Variants in ANKMY1 observed in about 807,000 individuals in gnomAD.
The protein encoded by ANKMY1 is ankyrin repeat and MYND domain-containing protein 1.
ANKMY1 carries 98 observed loss-of-function variants against 102.0 expected under a neutral mutation model. The ratio of observed to expected loss-of-function variants is 0.96; its 90% confidence interval spans 0.82 to 1.14. The LOEUF (loss-of-function observed/expected upper bound fraction) is 1.14, where lower values mean the gene tolerates loss of function less well. Among genes scored for constraint, ANKMY1 ranks in the 50% most tolerant of loss-of-function variants. The pLI is 0.00. For missense variants in ANKMY1, 1,330 were observed against 1,347.6 expected (o/e 0.99, Z 0.20); for synonymous variants, 582 against 559.9 (o/e 1.04, Z -0.56).
chr2:240,560,692 C>T (rs746031051), upstream of ANKMY1: 4 of 1,524,254 alleles, frequency 2.6e-6, no homozygotes, highest in East Asian at 1.1e-4. Flanking sequence ...GCCATGGGAC[C>T]GGCAGAAGCT....
intron 4 of ANKMY1, among the ~76,000 whole-genome samples, chr2:240,538,720 G>A (rs961029972): frequency 6.6e-6 from 1 of 152,154 alleles, no homozygotes; most frequent in Non-Finnish European, 1.5e-5. Flanking sequence ...ACTAGGCAAA[G>A]CCAGCTGAGC....
In ANKMY1 at chr2:240,529,542, T is replaced by G. The variant is rs772616640; in HGVS notation, c.481-33A>C. ...GGAAGCGCAATAGACCGAGGAGAGA[T>G]AACGCGACCCAGCTGCACATGTGAT... is the stretch of plus-strand genomic sequence containing the variant. On this transcript the variant is annotated intron_variant, in intron 4 of 17. Transcript: ENST00000401804. The surrounding 1 kb of genome is among the most constrained non-coding windows in gnomAD (Gnocchi z 4.2). 4.1e-5 allele frequency: 63 copies of G among 1,552,470 alleles called. 1 individual carries two copies. The highest frequency in any genetic ancestry group is 3.0e-4 in the African/African-American group (22 of 73,276).
chr2:240,559,622 C>T (rs574639674), upstream of ANKMY1, among the ~76,000 whole-genome samples: 5 of 152,228 alleles, frequency 3.3e-5, no homozygotes, highest in Non-Finnish European at 7.3e-5. Context: ...ACTCCTCCAT[C>T]CTAGGAAAGT....
chr2:240,535,063 T>A (rs1414098265), intron 4 of ANKMY1, among the ~76,000 whole-genome samples: 1 of 152,194 alleles, frequency 6.6e-6, no homozygotes, highest in Non-Finnish European at 1.5e-5. Context: ...ATGAAAAAAG[T>A]CAAACTGTGT....
chr2:240,526,385 G>A lies in ANKMY1; in HGVS notation c.1014C>T (p.Gly338=), dbSNP rs2083408061. 1.9e-6 allele frequency: 3 copies of A among 1,614,236 alleles called. No homozygotes were observed. The highest frequency in any genetic ancestry group is 2.2e-5 in the South Asian group (2 of 91,090). The change falls in exon 6 of 18, where the codon GGC becomes GGT. Residue 338 remains glycine (G), a synonymous_variant. Transcript: ENST00000401804. ...MGAILEGKRS[G]FAPCGPKEQL... ...GCTCTTTGGGCCCACAGGGTGCAAA[G>A]CCACTGCGCTTCCCCTCCAGGATGG...
intron 5 of ANKMY1, chr2:240,526,647 T>A: frequency 7.0e-7 from 1 of 1,435,848 alleles, no homozygotes; most frequent in Non-Finnish European, 9.1e-7. Flanking sequence ...GGTGCAGACA[T>A]GCCACCTGGA....
chr2:240,497,747 GTTTC>G (rs1232240247), intron 15 of ANKMY1, among the ~76,000 whole-genome samples: 2 of 152,128 alleles, frequency 1.3e-5, no homozygotes, highest in Non-Finnish European at 2.9e-5. Context: ...AATGAAATCG[GTTTC>G]TTTGTGATGA....
At chr2:240,518,779 G>A (rs372369914) in intron 9 of ANKMY1, among the ~76,000 whole-genome samples, 5 of 152,130 alleles carry the variant, frequency 3.3e-5, no homozygotes, top group South Asian at 2.1e-4. Context: ...TTTCAAAGAC[G>A]GAGTCCAATC....
intron 4 of ANKMY1, among the ~76,000 whole-genome samples, chr2:240,534,139 A>G (rs1433647996): frequency 2.6e-5 from 4 of 152,218 alleles, no homozygotes; most frequent in Non-Finnish European, 2.9e-5. Flanking sequence ...CCTAGTATAT[A>G]TAAGGCTTGA....
rs114885029 is a variant in ANKMY1, at chr2:240,540,594, C to T, written c.481-11085G>A. Among the ~76,000 whole-genome samples, 1,079 of 152,280 alleles carry T rather than the reference C, an allele frequency of 7.1e-3. 14 individuals are homozygous for T. The highest frequency in any genetic ancestry group is 0.024 in the African/African-American group (1,014 of 41,540). On this transcript the variant is annotated intron_variant, in intron 4 of 17. Coordinates refer to ENST00000401804, the MANE Select transcript of ANKMY1 (RefSeq NM_001282771.3). ...GTTCCTGTTTTCTTACCCATTGTTACATTTCTTCCCTGCTATCTAAACCCT... is the reference window on the plus strand; with the variant it reads ...GTTCCTGTTTTCTTACCCATTGTTATATTTCTTCCCTGCTATCTAAACCCT...
Position 240,526,266 on chromosome 2 carries a change from G to T in ANKMY1, c.1133C>A (p.Ala378Glu). The change falls in exon 6 of 18, where the codon GCG becomes GAG. Residue 378 changes from alanine to glutamate, a missense_variant. By Grantham distance (107) the Ala-to-Glu change is moderately radical. Transcript: ENST00000401804. ...AAGCACAGTGTAGCCCTTTGCGTCCGCCACGTCAGCACTAGCAAAGTTGTC... is the reference window on the plus strand; with the variant it reads ...AAGCACAGTGTAGCCCTTTGCGTCCTCCACGTCAGCACTAGCAAAGTTGTC... The part of the protein sequence containing the change: ...LKDNFASADV[A>E]DAKGYTVLAA... 1 of 1,614,126 alleles carries T rather than the reference G, an allele frequency of 6.2e-7. No individual in the cohort carries two copies. The highest frequency in any genetic ancestry group is 1.1e-5 in the South Asian group (1 of 91,084).
At chr2:240,484,026 A>G (rs540455060) in intron 15 of ANKMY1, among the ~76,000 whole-genome samples, 5 of 152,266 alleles carry the variant, frequency 3.3e-5, no homozygotes, top group Admixed American at 6.5e-5. Context: ...CAGCCTTTTT[A>G]TGGCTGCATA....
intron 2 of ANKMY1, 38 bp from the exon 3 acceptor site, chr2:240,555,093 G>T: frequency 6.2e-7 from 1 of 1,604,854 alleles, no homozygotes; most frequent in Non-Finnish European, 8.5e-7. Context: ...AGAGTGAAGT[G>T]GCTGCAGTGC....
At position 240,520,369 on chromosome 2, in the gene ANKMY1, G is replaced by A. The variant is rs1305680821; in HGVS notation, c.1997C>T (p.Pro666Leu). ...EHGARTDICF[P>L]PQLSTLTPLH... ...GCCCGCCGCGGCTCCTACCTGCGGC[G>A]GAAAGCAGATGTCGGTCCTCGCCCC... Residue 666 changes from proline (P) to leucine (L), a missense_variant, in exon 9 of 18, where the codon CCG (proline) becomes CTG (leucine). Pro to Leu is a moderately conservative substitution (Grantham distance 98, BLOSUM62 -3). Transcript: ENST00000401804. The surrounding 1 kb of genome is among the most constrained non-coding windows in gnomAD (Gnocchi z 4.8). 1 of 1,553,120 alleles carries A rather than the reference G, an allele frequency of 6.4e-7. No individual in the cohort carries two copies. Among genetic ancestry groups the A allele is most frequent in the South Asian group, 1.2e-5 (1 of 85,114 alleles).
At position 240,520,284 on chromosome 2, in the gene ANKMY1, G is replaced by C; in HGVS notation, c.2004+78C>G. On this transcript the variant is annotated intron_variant, in intron 9 of 17. Transcript: ENST00000401804. This position sits in a 1 kb window ranked among gnomAD's most constrained non-coding sequence, Gnocchi z 4.8. ...AGCCCACCCCTCTCTTCCGCGCCTA[G>C]GTGGAGCGAGGAGCTTCCCGGCCAG... 6.7e-7 allele frequency: 1 copy of C among 1,487,460 alleles called. No individual in the cohort carries two copies. The highest frequency in any genetic ancestry group is 1.3e-5 in the South Asian group (1 of 76,214). The allele number at this position is 1,487,460 out of a possible 1,614,324, so 92.1% of individuals were successfully genotyped here.
intron 4 of ANKMY1, among the ~76,000 whole-genome samples, chr2:240,540,971 C>G (rs1047194750): frequency 1.3e-5 from 2 of 152,206 alleles, no homozygotes; most frequent in Non-Finnish European, 2.9e-5. Context: ...AATTTGACAT[C>G]TGCATCAAGA....
chr2:240,552,275 T>C (rs1387910004), intron 4 of ANKMY1, among the ~76,000 whole-genome samples: 1 of 152,206 alleles, frequency 6.6e-6, no homozygotes, highest in Non-Finnish European at 1.5e-5. Context: ...GCCACTCATA[T>C]TGGCTCAGAA....
chr2:240,515,362 T>C (rs1048373884), intron 9 of ANKMY1, among the ~76,000 whole-genome samples: 74 of 152,056 alleles, frequency 4.9e-4, no homozygotes, highest in Admixed American at 1.6e-3. Context: ...TGGTGAAACC[T>C]CGCCTCTACT....
chr2:240,526,587 G>A, intron 5 of ANKMY1, 142 bp from the exon 6 acceptor site: 1 of 1,472,234 alleles, frequency 6.8e-7, no homozygotes, highest in South Asian at 1.4e-5. Context: ...TACCCTGAGT[G>A]CTGGCAGCTG....
Sources: gnomAD v4.1 joint callset for allele counts (sites outside exome capture counted in the v4.1 genomes callset) on GRCh38, gnomAD v4.1.1 for gene constraint, Gnocchi (gnomAD v3.1) non-coding constraint, MANE v1.5 for transcripts, NCBI Gene and HGNC (gene_info 2026-07-23, HGNC 2026-07-21) for gene names.